The following PDE10A variants were observed in gnomAD, a reference collection of about 807,000 sequenced individuals.
PDE10A encodes phosphodiesterase 10A.
A neutral mutation model predicts 97.7 loss-of-function variants in PDE10A; 39 were observed. That is an observed-to-expected ratio of 0.40 (90% CI 0.31 to 0.52). PDE10A has a LOEUF of 0.52. Ranked by LOEUF, PDE10A falls within the 20% of genes least tolerant of loss-of-function variation. PDE10A has a pLI of 0.56. For missense variants in PDE10A, 731 were observed against 1,047.8 expected, an observed-to-expected ratio of 0.70 and a Z score of 4.17; for synonymous variants, 371 against 376.8, an observed-to-expected ratio of 0.98 and a Z score of 0.18.
At chr6:165,455,815 T>C (rs929603544) in intron 3 of PDE10A, among the ~76,000 whole-genome samples, 2 of 152,218 alleles carry the variant, frequency 1.3e-5, no homozygotes, top group Non-Finnish European at 2.9e-5. Context: ...CAACTCAGTT[T>C]TGTGACTTTT....
chr6:165,580,208 C>T (rs747174254), intron 1 of PDE10A, among the ~76,000 whole-genome samples: 1 of 152,042 alleles, frequency 6.6e-6, no homozygotes, highest in African/African-American at 2.4e-5. Context: ...AATAAATGAA[C>T]CCAATACTTG....
chr6:165,345,669 C>T (rs1782260910), intron 18 of PDE10A, among the ~76,000 whole-genome samples: 1 of 152,200 alleles, frequency 6.6e-6, no homozygotes, highest in Non-Finnish European at 1.5e-5. Flanking sequence ...CAACACAATG[C>T]CTATGATAAA....
At chr6:165,858,920 T>G (rs1347546126) in intron 1 of PDE10A, among the ~76,000 whole-genome samples, 1 of 152,218 alleles carries the variant, frequency 6.6e-6, no homozygotes, top group African/African-American at 2.4e-5. Flanking sequence ...AAAGCACTTC[T>G]TAAGTACAGT....
intron 1 of PDE10A, among the ~76,000 whole-genome samples, chr6:165,737,272 A>G (rs1251290339): frequency 6.6e-6 from 1 of 152,216 alleles, no homozygotes; most frequent in Admixed American, 6.5e-5. Context: ...ATGAAGGAAC[A>G]CTTCCAAACT....
At chr6:165,357,786 G>C (rs1783126583) in intron 18 of PDE10A, among the ~76,000 whole-genome samples, 1 of 151,684 alleles carries the variant, frequency 6.6e-6, no homozygotes, top group Non-Finnish European at 1.5e-5. Flanking sequence ...CATTTTAATA[G>C]TCTTTTCAAA....
chr6:165,721,357 A>G (rs1190469798), intron 1 of PDE10A, among the ~76,000 whole-genome samples: 1 of 152,218 alleles, frequency 6.6e-6, no homozygotes, highest in Non-Finnish European at 1.5e-5. Flanking sequence ...TGTCAATCCA[A>G]TTCATTACTT....
chr6:165,761,235 T>A (rs1338226677), intron 1 of PDE10A, among the ~76,000 whole-genome samples: 1 of 152,218 alleles, frequency 6.6e-6, no homozygotes, highest in Non-Finnish European at 1.5e-5. Context: ...TTCCTGGCCG[T>A]GTGACAAGAA....
intron 1 of PDE10A, among the ~76,000 whole-genome samples, chr6:165,936,228 G>T (rs1783321823): frequency 6.6e-6 from 1 of 152,178 alleles, no homozygotes; most frequent in Non-Finnish European, 1.5e-5. Context: ...GGTGACATTT[G>T]AGCTGGAGAT....
chr6:165,337,470 C>T (rs973538296), intron 20 of PDE10A, among the ~76,000 whole-genome samples: 1 of 152,188 alleles, frequency 6.6e-6, no homozygotes, highest in African/African-American at 2.4e-5. Flanking sequence ...TAGAATAGCG[C>T]CTGTGTTATT....
intron 1 of PDE10A, among the ~76,000 whole-genome samples, chr6:165,555,051 G>A (rs1784185305): frequency 6.6e-6 from 1 of 152,186 alleles, no homozygotes; most frequent in Non-Finnish European, 1.5e-5. Flanking sequence ...GGAGGAGGTA[G>A]GAATCATTAA....
rs778301918 is a variant in PDE10A, at chr6:165,519,761, T to A, written c.994+23679A>T. ...GTGCCTATGATAACACGTGTGACTG[T>A]TGTTTAATATACATATTTATATATT... On this transcript the variant is annotated intron_variant, in intron 2 of 21. Coordinates refer to ENST00000539869, the MANE Select transcript of PDE10A (RefSeq NM_001385079.1). 2.0e-5 allele frequency among the ~76,000 whole-genome samples: 3 copies of A among 152,302 alleles called. No homozygotes were observed. The East Asian group carries it at 5.8e-4, about 29-fold the overall frequency.
intron 2 of PDE10A, among the ~76,000 whole-genome samples, chr6:165,509,170 G>A (rs1781370014): frequency 6.6e-6 from 1 of 151,742 alleles, no homozygotes; most frequent in South Asian, 2.1e-4. Context: ...TATTTATGAG[G>A]TATATATAAG....
chr6:165,497,174 TATA>T (rs1780588063), intron 2 of PDE10A, among the ~76,000 whole-genome samples: 1 of 152,216 alleles, frequency 6.6e-6, no homozygotes, highest in Non-Finnish European at 1.5e-5. Flanking sequence ...TCTGAGAGAT[TATA>T]ATGATTTTTA....
chr6:165,336,737 C>G (rs1298446932), intron 20 of PDE10A, among the ~76,000 whole-genome samples: 3 of 118,068 alleles, frequency 2.5e-5, no homozygotes, highest in Admixed American at 1.2e-4. Flanking sequence ...GCCTGGGCGA[C>G]AGAGCGAGAC....
At chr6:165,825,381 G>A (rs1157059452) in intron 1 of PDE10A, among the ~76,000 whole-genome samples, 1 of 152,078 alleles carries the variant, frequency 6.6e-6, no homozygotes, top group East Asian at 1.9e-4. Flanking sequence ...CGTGATCTGA[G>A]GGCCCCGTTA....
intron 1 of PDE10A, among the ~76,000 whole-genome samples, chr6:165,658,486 A>G (rs1201604615): frequency 1.3e-5 from 2 of 152,156 alleles, no homozygotes; most frequent in African/African-American, 4.8e-5. Flanking sequence ...GGGAAACACA[A>G]ACAGAGAGAG....
intron 1 of PDE10A, among the ~76,000 whole-genome samples, chr6:165,868,732 G>A (rs186311635): frequency 1.4e-4 from 22 of 152,006 alleles, no homozygotes; most frequent in Admixed American, 3.3e-4. Context: ...AAAACTACAG[G>A]CTAGTATCCT....
intron 1 of PDE10A, among the ~76,000 whole-genome samples, chr6:165,793,520 C>G (rs1047231107): frequency 6.6e-6 from 1 of 152,090 alleles, no homozygotes; most frequent in African/African-American, 2.4e-5. Context: ...CCTGACAGTG[C>G]GCTCCCTGAA....
At chr6:165,515,240 T>G (rs1014859856) in intron 2 of PDE10A, among the ~76,000 whole-genome samples, 5 of 152,170 alleles carry the variant, frequency 3.3e-5, no homozygotes, top group African/African-American at 1.2e-4. Flanking sequence ...AGGTCATAAG[T>G]TCACAGTTTA....
Sources: gnomAD v4.1 joint callset for allele counts (sites outside exome capture counted in the v4.1 genomes callset) on GRCh38, gnomAD v4.1.1 for gene constraint, MANE v1.5 for transcripts, NCBI Gene and HGNC (gene_info 2026-07-23, HGNC 2026-07-21) for gene names.